Variants in TULP3 observed in about 807,000 individuals in gnomAD.
TULP3 encodes the protein tubby-related protein 3.
In TULP3, 38 loss-of-function variants were observed where a neutral mutation model predicts 50.7. The observed-to-expected ratio is 0.75, with a 90% CI of 0.58 to 0.98. TULP3 has a LOEUF of 0.98. TULP3 is among the 50% of genes least tolerant of loss of function. TULP3 has a pLI of 0.00. For missense variants in TULP3, 550 were observed against 568.0 expected (o/e 0.97, Z 0.32); for synonymous variants, 183 against 196.6 (o/e 0.93, Z 0.58).
intron 3 of TULP3, among the ~76,000 whole-genome samples, chr12:2,921,356 T>C (rs1224855420): frequency 1.3e-5 from 2 of 151,682 alleles, no homozygotes; most frequent in African/African-American, 4.8e-5. Context: ...TGGCCAGGCT[T>C]GTCTCGAACT....
chr12:2,937,200 A>ATTTTTTTTTTTTTTTTTTTTTTTTTTT (rs771074689), intron 8 of TULP3, among the ~76,000 whole-genome samples: 1 of 54,446 alleles, frequency 1.8e-5, no homozygotes, highest in African/African-American at 7.4e-5. Flanking sequence ...GGTACACCTG[A>ATTTTTTTTTTTTTTTTTTTTTTTTTTT]TTTTTTTTTT....
At chr12:2,893,305 C>T (rs2098173301) in intron 1 of TULP3, among the ~76,000 whole-genome samples, 2 of 146,464 alleles carry the variant, frequency 1.4e-5, no homozygotes, top group Admixed American at 1.4e-4. Context: ...TCTTTTTGGG[C>T]TTCAGGTTGT....
At chr12:2,938,447 T>C (rs1306971070) in intron 10 of TULP3, among the ~76,000 whole-genome samples, 162 bp downstream of exon 10, 1 of 152,090 alleles carries the variant, frequency 6.6e-6, no homozygotes, top group Non-Finnish European at 1.5e-5. Context: ...TAGAGAAAAC[T>C]TGTAAATCAC....
intron 1 of TULP3, among the ~76,000 whole-genome samples, chr12:2,892,559 G>A (rs532650855): frequency 1.3e-5 from 2 of 151,878 alleles, no homozygotes; most frequent in South Asian, 4.2e-4. Flanking sequence ...GTCGCCAGGC[G>A]GTAGTGCAGT....
chr12:2,903,213 C>T (rs1038385145), intron 1 of TULP3, among the ~76,000 whole-genome samples: 3 of 151,960 alleles, frequency 2.0e-5, no homozygotes, highest in African/African-American at 4.8e-5. Flanking sequence ...AAAAAATTAC[C>T]AAAATGTATA....
At chr12:2,918,573 T>A (rs1193290415) in intron 2 of TULP3, among the ~76,000 whole-genome samples, 3 of 152,000 alleles carry the variant, frequency 2.0e-5, no homozygotes, top group Non-Finnish European at 4.4e-5. Flanking sequence ...GGAGTTTTGC[T>A]GTTGTTGCAC....
chr12:2,898,427 G>A (rs1018608255), intron 1 of TULP3, among the ~76,000 whole-genome samples: 3 of 152,052 alleles, frequency 2.0e-5, no homozygotes, highest in Admixed American at 2.0e-4. Context: ...AGCCTCCCTA[G>A]CAGCGGGGAC....
chr12:2,903,869 C>T (rs11062409), intron 1 of TULP3, among the ~76,000 whole-genome samples: 33,846 of 151,734 alleles, frequency 0.22, 3,898 homozygotes, highest in East Asian at 0.35. Flanking sequence ...CTGCAACCTC[C>T]GCCTCCCGGG....
intron 6 of TULP3, among the ~76,000 whole-genome samples, 186 bp downstream of exon 6, chr12:2,931,426 A>C (rs2098197991): frequency 6.6e-6 from 1 of 152,228 alleles, no homozygotes; most frequent in Non-Finnish European, 1.5e-5. Context: ...AATAGGCAGC[A>C]AGCTCTACCC....
At chr12:2,933,143 G>T (rs10848751) in intron 6 of TULP3, among the ~76,000 whole-genome samples, 3 of 151,774 alleles carry the variant, frequency 2.0e-5, no homozygotes, top group Non-Finnish European at 4.4e-5. Flanking sequence ...AGGGTTTACG[G>T]TGTTAGCCAG....
intron 4 of TULP3, among the ~76,000 whole-genome samples, chr12:2,928,538 A>T (rs2098195972): frequency 6.6e-6 from 1 of 151,604 alleles, no homozygotes; most frequent in South Asian, 2.1e-4. Context: ...CTCAAAAAAA[A>T]TAAATAAATA....
At position 2,934,569 on chromosome 12, in the gene TULP3, C is replaced by T. The variant is rs374857054; in HGVS notation, c.924+8C>T. ...CTGGCTGCCATCTCCTATGTGAGTG[C>T]TGCTTTCCCAGGGCCGCTGCCTGCC... is the stretch of plus-strand genomic sequence containing the variant. On this transcript the variant is annotated splice_region_variant and intron_variant, in intron 8 of 10. Transcript: ENST00000448120. 1.7e-5 allele frequency: 27 copies of T among 1,552,836 alleles called. No homozygotes were observed. The highest frequency in any genetic ancestry group is 2.3e-5 in the Non-Finnish European group (27 of 1,149,108).
chr12:2,921,115 A>G (rs1348846949), intron 3 of TULP3, among the ~76,000 whole-genome samples, 193 bp downstream of exon 3: 1 of 152,084 alleles, frequency 6.6e-6, no homozygotes, highest in Non-Finnish European at 1.5e-5. Context: ...AAGATGCCTT[A>G]AGGTTTGCGT....
chr12:2,938,380 C>G, intron 10 of TULP3, 95 bp downstream of exon 10: 1 of 1,357,004 alleles, frequency 7.4e-7, no homozygotes, highest in South Asian at 1.4e-5. Context: ...AAGTGACAGT[C>G]AGCAGATAAT....
intron 1 of TULP3, among the ~76,000 whole-genome samples, chr12:2,903,645 AC>A (rs2098180515): frequency 6.6e-6 from 1 of 152,168 alleles, no homozygotes; most frequent in Non-Finnish European, 1.5e-5. Flanking sequence ...TATGCCCTTC[AC>A]CTAGATTCAT....
intron 2 of TULP3, among the ~76,000 whole-genome samples, chr12:2,918,258 C>T (rs1030489618): frequency 5.3e-5 from 8 of 151,170 alleles, no homozygotes; most frequent in Non-Finnish European, 8.8e-5. Context: ...GGATTACAGG[C>T]GCTTGCCACC....
intron 4 of TULP3, among the ~76,000 whole-genome samples, chr12:2,929,242 G>C (rs1176742873): frequency 6.6e-6 from 1 of 151,254 alleles, no homozygotes; most frequent in Non-Finnish European, 1.5e-5. Context: ...GCGTGAACCC[G>C]GGAGGCGGAG....
intron 4 of TULP3, among the ~76,000 whole-genome samples, chr12:2,929,094 G>A (rs1395837036): frequency 4.0e-5 from 6 of 151,318 alleles, no homozygotes; most frequent in Non-Finnish European, 8.8e-5. Flanking sequence ...CGAGACGGGC[G>A]GATCACGAGG....
rs996770867 is a variant in TULP3 at position 2,920,984 on chromosome 12, GA to G, written c.253+63del. The G allele has an allele frequency of 3.8e-6, 6 of 1,594,026 alleles. No homozygotes were observed. The African/African-American group carries it at 6.7e-5, about 18-fold the overall frequency. On this transcript the variant is annotated intron_variant, in intron 3 of 10. Coordinates refer to ENST00000448120, the MANE Select transcript of TULP3 (RefSeq NM_003324.5). ...CAATTTTCACAAACCTAGAAGGCACGAGGATTGTCAGACGGACCAAAGGGAC... is the reference window on the plus strand; with the variant it reads ...CAATTTTCACAAACCTAGAAGGCACGGGATTGTCAGACGGACCAAAGGGAC...
Sources: gnomAD v4.1 joint callset for allele counts (sites outside exome capture counted in the v4.1 genomes callset) on GRCh38, gnomAD v4.1.1 for gene constraint, MANE v1.5 for transcripts, NCBI Gene and HGNC (gene_info 2026-07-23, HGNC 2026-07-21) for gene names.